Variants in PCDH15 observed in about 807,000 individuals in gnomAD.
PCDH15 encodes protocadherin related 15.
PCDH15 carries 129 observed loss-of-function variants against 178.5 expected under a neutral mutation model. That is an observed-to-expected ratio of 0.72 (90% CI 0.63 to 0.84). The LOEUF is 0.84. Among genes scored for constraint, PCDH15 ranks in the 40% least tolerant of loss-of-function variants. The probability of loss-of-function intolerance (pLI) is 0.00; values close to 1 mark genes in which losing one functional copy is unlikely to be tolerated. For missense variants in PCDH15, 2,230 were observed against 2,099.9 expected, an observed-to-expected ratio of 1.06 and a Z score of -1.21; for synonymous variants, 800 against 732.0, an observed-to-expected ratio of 1.09 and a Z score of -1.50.
intron 36 of PCDH15, 108 bp downstream of exon 36, chr10:53,811,441 G>A (rs2075860727): frequency 4.6e-6 from 3 of 646,370 alleles, no homozygotes; most frequent in Non-Finnish European, 7.4e-6. Context: ...ATACTAGTGA[G>A]ATCGACATGA....
At chr10:54,429,967 G>A (rs1956766383) in intron 3 of PCDH15, among the ~76,000 whole-genome samples, 1 of 151,346 alleles carries the variant, frequency 6.6e-6, no homozygotes, top group Non-Finnish European at 1.5e-5. Context: ...GACATAATCT[G>A]CACTATGGAC....
At chr10:55,207,039 T>C (rs983460525) in intron 1 of PCDH15, among the ~76,000 whole-genome samples, 1 of 152,036 alleles carries the variant, frequency 6.6e-6, no homozygotes, top group Admixed American at 6.6e-5. Flanking sequence ...ATACGCATAA[T>C]ATTTTCTCTC....
intron 2 of PCDH15, among the ~76,000 whole-genome samples, chr10:55,067,541 G>T (rs1173917633): frequency 2.0e-5 from 3 of 151,840 alleles, no homozygotes; most frequent in African/African-American, 7.2e-5. Context: ...TGACAAATAT[G>T]TGAGTGCAGG....
chr10:53,923,081 C>T (rs1325064299), intron 25 of PCDH15, among the ~76,000 whole-genome samples: 2 of 151,814 alleles, frequency 1.3e-5, no homozygotes, highest in Non-Finnish European at 1.5e-5. Flanking sequence ...AGCAAGACTC[C>T]GTCTCAAAAA....
At chr10:54,490,178 T>C (rs1040022624) in intron 3 of PCDH15, among the ~76,000 whole-genome samples, 4 of 152,136 alleles carry the variant, frequency 2.6e-5, no homozygotes, top group Non-Finnish European at 5.9e-5. Context: ...TGGCTGAGCA[T>C]GGTGGCTCAT....
At chr10:55,326,352 G>C (rs1346317109) in intron 2 of PCDH15, among the ~76,000 whole-genome samples, 1 of 152,044 alleles carries the variant, frequency 6.6e-6, no homozygotes, top group Non-Finnish European at 1.5e-5. Context: ...ATCAACAGTA[G>C]ACTAATAAAG....
At chr10:54,119,104 A>G (rs1357082524) in intron 15 of PCDH15, among the ~76,000 whole-genome samples, 3 of 152,216 alleles carry the variant, frequency 2.0e-5, no homozygotes. Flanking sequence ...ATGTAGTGAT[A>G]CCACCAAAGG....
intron 3 of PCDH15, among the ~76,000 whole-genome samples, chr10:54,808,943 G>GA (rs61057226): frequency 0.033 from 4,517 of 135,360 alleles, 85 homozygotes; most frequent in African/African-American, 0.053. Context: ...GCTGGGAAAA[G>GA]AAAAAAAAAA....
intron 1 of PCDH15, among the ~76,000 whole-genome samples, chr10:55,275,799 C>CT (rs994830657): frequency 6.7e-6 from 1 of 149,358 alleles, no homozygotes; most frequent in African/African-American, 2.5e-5. Flanking sequence ...CATGAAAAGT[C>CT]TTTTGGGATT....
chr10:54,351,733 A>G (rs1341994336), intron 5 of PCDH15, among the ~76,000 whole-genome samples: 1 of 152,142 alleles, frequency 6.6e-6, no homozygotes. Flanking sequence ...AGCTTCTGGC[A>G]GCTCACTGTC....
At chr10:54,136,797 TC>T (rs1324107549) in intron 14 of PCDH15, among the ~76,000 whole-genome samples, 2 of 152,180 alleles carry the variant, frequency 1.3e-5, no homozygotes, top group Non-Finnish European at 2.9e-5. Context: ...GTCTCCTTGA[TC>T]CGTCCTTACT....
At chr10:55,217,925 A>G (rs776232804) in intron 1 of PCDH15, among the ~76,000 whole-genome samples, 1 of 151,986 alleles carries the variant, frequency 6.6e-6, no homozygotes, top group Non-Finnish European at 1.5e-5. Flanking sequence ...TAAGAATCTT[A>G]CTATGAAGCA....
chr10:55,044,883 T>C (rs1840959063), intron 2 of PCDH15, among the ~76,000 whole-genome samples: 1 of 152,108 alleles, frequency 6.6e-6, no homozygotes, highest in Non-Finnish European at 1.5e-5. Context: ...CATCCTCCAG[T>C]GATAACATTA....
intron 28 of PCDH15, among the ~76,000 whole-genome samples, chr10:53,851,113 C>T (rs763694141): frequency 1.6e-4 from 24 of 152,144 alleles, no homozygotes; most frequent in Middle Eastern, 3.4e-3. Context: ...AGGAATTGTG[C>T]CTCTTCCTCT....
intron 1 of PCDH15, among the ~76,000 whole-genome samples, chr10:55,311,369 C>A (rs1588901836): frequency 6.6e-6 from 1 of 152,156 alleles, no homozygotes; most frequent in Non-Finnish European, 1.5e-5. Flanking sequence ...TTATTCAGTC[C>A]TGCATTCAAG....
intron 25 of PCDH15, among the ~76,000 whole-genome samples, chr10:53,911,521 T>C (rs2083086136): frequency 6.6e-6 from 1 of 152,084 alleles, no homozygotes; most frequent in Non-Finnish European, 1.5e-5. Context: ...AGATCTAAAA[T>C]TGACACCCTA....
At chr10:54,295,655 T>C (rs1314178955) in intron 8 of PCDH15, among the ~76,000 whole-genome samples, 2 of 152,188 alleles carry the variant, frequency 1.3e-5, no homozygotes, top group Non-Finnish European at 2.9e-5. Flanking sequence ...TAACATTCAC[T>C]GTGAAGCTCC....
chr10:55,188,453 A>T (rs911473725), intron 1 of PCDH15, among the ~76,000 whole-genome samples: 11 of 151,932 alleles, frequency 7.2e-5, no homozygotes, highest in Non-Finnish European at 1.2e-4. Flanking sequence ...GGAGTGGCAG[A>T]TGTATTTTGT....
intron 2 of PCDH15, among the ~76,000 whole-genome samples, chr10:55,100,820 G>A (rs759811990): frequency 6.6e-6 from 1 of 152,048 alleles, no homozygotes; most frequent in South Asian, 2.1e-4. Context: ...AGTTTTGGAG[G>A]GGAAAATATC....
Sources: allele counts gnomAD v4.1 joint callset (sites outside exome capture counted in the v4.1 genomes callset), GRCh38; gene constraint gnomAD v4.1.1; transcripts MANE v1.5; gene names NCBI Gene and HGNC (gene_info 2026-07-23, HGNC 2026-07-21).